The following KIF5B variants were observed in gnomAD, a reference collection of about 807,000 sequenced individuals.
The protein encoded by KIF5B is kinesin-1 heavy chain.
A neutral mutation model predicts 132.8 loss-of-function variants in KIF5B; 49 were observed. That is an observed-to-expected ratio of 0.37 (90% confidence interval 0.29 to 0.47). The LOEUF is 0.47. KIF5B is among the 20% of genes least tolerant of loss of function. The pLI, the probability that KIF5B is intolerant of heterozygous loss-of-function variation, is 1.00. For synonymous variants in KIF5B, 355 were observed against 369.4 expected, an observed-to-expected ratio of 0.96 and a Z score of 0.45; for missense variants, 780 against 1,144.0, an observed-to-expected ratio of 0.68 and a Z score of 4.59.
intron 17 of KIF5B, 44 bp downstream of exon 17, chr10:32,022,096 A>C: frequency 1.1e-6 from 1 of 941,194 alleles, no homozygotes; most frequent in Non-Finnish European, 1.7e-6. Flanking sequence ...AATTATACTA[A>C]AATAAGAACA....
intron 20 of KIF5B, among the ~76,000 whole-genome samples, chr10:32,019,496 A>T (rs1053335975): frequency 4.3e-4 from 66 of 152,340 alleles, no homozygotes; most frequent in Middle Eastern, 3.4e-3. Context: ...GCAAGAGAAA[A>T]TTTAACAAAA....
chr10:32,038,126 T>G, intron 6 of KIF5B, 37 bp downstream of exon 6: 1 of 1,265,682 alleles, frequency 7.9e-7, no homozygotes, highest in Non-Finnish European at 1.1e-6. Context: ...AAAAAAAAAG[T>G]ATTACAGGGT....
At chr10:32,048,347 T>C (rs1841642116) in intron 2 of KIF5B, 117 bp downstream of exon 2, 2 of 642,482 alleles carry the variant, frequency 3.1e-6, no homozygotes, top group Middle Eastern at 2.8e-4. Context: ...AACTTTCTTC[T>C]GCAATTAACT....
rs1008015861 is a variant in KIF5B at position 32,011,161 on chromosome 10, G to C, written c.*376C>G. ...CAGTAGCAGCTAGGTAATTTAAACT[G>C]AGATTAAAAAATAAACATACACAAA... On this transcript the variant is annotated 3_prime_UTR_variant, in exon 26 of 26. Transcript: ENST00000302418. The C allele has an allele frequency of 4.6e-5, 7 of 152,410 alleles. No homozygotes were observed. Among genetic ancestry groups the C allele is most frequent in the Non-Finnish European group, 2.9e-5 (2 of 68,006 alleles). 9.4% of individuals were successfully genotyped at this position (152,410 alleles called of 1,614,324 possible).
intron 1 of KIF5B, among the ~76,000 whole-genome samples, chr10:32,055,283 A>C (rs988086340): frequency 1.3e-5 from 2 of 152,018 alleles, no homozygotes; most frequent in African/African-American, 4.8e-5. Flanking sequence ...GTGGTGGGTG[A>C]AAGTTGGAGG....
Position 32,017,254 on chromosome 10 carries a change from C to T in KIF5B, c.2650G>A (p.Ala884Thr), listed in dbSNP as rs764985083. 69 of 1,614,080 alleles carry T rather than the reference C, an allele frequency of 4.3e-5. No homozygotes were observed. The highest frequency in any genetic ancestry group is 5.3e-5 in the Non-Finnish European group (62 of 1,180,042). ...VKALESALKE[A>T]KENASRDRKR... ...CGATCACGAGATGCATTTTCTTTAG[C>T]TTCTTTCAGTGCTGATTCCAAAGCT... is the stretch of plus-strand genomic sequence containing the variant. The change falls in exon 24 of 26, where the codon GCT becomes ACT. Residue 884 changes from alanine (A) to threonine (T), a missense_variant. Ala to Thr is a moderately conservative substitution (Grantham distance 58). This residue lies in a region of KIF5B where 32 missense variants were observed against 71.1 expected (regional missense o/e 0.45). Coordinates refer to ENST00000302418, the MANE Select transcript of KIF5B (RefSeq NM_004521.3).
At chr10:32,014,702 T>C (rs557878889) in intron 25 of KIF5B, among the ~76,000 whole-genome samples, 1 of 152,140 alleles carries the variant, frequency 6.6e-6, no homozygotes, top group Non-Finnish European at 1.5e-5. Context: ...CATAAGCAAT[T>C]TGGTGCAGTC....
At chr10:32,013,577 G>C (rs915260557) in intron 25 of KIF5B, among the ~76,000 whole-genome samples, 1 of 152,118 alleles carries the variant, frequency 6.6e-6, no homozygotes, top group Non-Finnish European at 1.5e-5. Context: ...CTCTGGTTTA[G>C]ACAAACCAGC....
intron 14 of KIF5B, among the ~76,000 whole-genome samples, chr10:32,029,662 G>C (rs1360990136): frequency 6.6e-6 from 1 of 152,158 alleles, no homozygotes; most frequent in Non-Finnish European, 1.5e-5. Context: ...CATATAAACA[G>C]ATGCTAAACA....
At chr10:32,016,522 G>C (rs2132578161) in intron 24 of KIF5B, among the ~76,000 whole-genome samples, 1 of 148,352 alleles carries the variant, frequency 6.7e-6, no homozygotes, top group African/African-American at 2.6e-5. Flanking sequence ...ACCAATTTTT[G>C]TTTGTTTGTT....
intron 16 of KIF5B, 78 bp from the exon 17 acceptor site, chr10:32,022,335 TTATC>T (rs1463657579): frequency 1.8e-5 from 13 of 719,446 alleles, no homozygotes; most frequent in Non-Finnish European, 3.1e-5. Flanking sequence ...AAACATTTCA[TTATC>T]TATATATGAT....
rs537700396 is a variant in KIF5B, at chr10:32,021,823, T to G, written c.2032+317A>C. On this transcript the variant is annotated intron_variant, in intron 17 of 25. Coordinates refer to ENST00000302418, the MANE Select transcript of KIF5B (RefSeq NM_004521.3). ...CTGTCTCTACAAAAAAGGTAAAAAA[T>G]TAGCCAGGCGTGGGGGCATGTGCCT... 1.3e-4 allele frequency among the ~76,000 whole-genome samples: 19 copies of G among 151,962 alleles called. 1 individual carries two copies. The South Asian group carries it at 3.9e-3, about 32-fold the overall frequency.
intron 2 of KIF5B, among the ~76,000 whole-genome samples, chr10:32,041,801 A>C (rs1841542885): frequency 6.6e-6 from 1 of 152,110 alleles, no homozygotes; most frequent in African/African-American, 2.4e-5. Flanking sequence ...TCTAAAAAAA[A>C]TTTTGTAGAG....
chr10:32,053,726 T>C (rs562256809), intron 1 of KIF5B, among the ~76,000 whole-genome samples: 1 of 131,748 alleles, frequency 7.6e-6, no homozygotes, highest in South Asian at 2.4e-4. Flanking sequence ...CTCAAAAATA[T>C]CTCAAAAAAA....
intron 1 of KIF5B, among the ~76,000 whole-genome samples, chr10:32,053,122 C>T (rs1172542601): frequency 6.6e-6 from 1 of 152,086 alleles, no homozygotes; most frequent in Admixed American, 6.5e-5. Flanking sequence ...TGCTGCATTG[C>T]AGCAATTCTC....
intron 20 of KIF5B, among the ~76,000 whole-genome samples, chr10:32,019,635 C>G (rs1841231097): frequency 6.6e-6 from 1 of 152,118 alleles, no homozygotes; most frequent in South Asian, 2.1e-4. Context: ...AAAGAGAAAC[C>G]TTAATCTTAA....
chr10:32,025,627 C>T (rs931461988), intron 15 of KIF5B, among the ~76,000 whole-genome samples: 3 of 142,492 alleles, frequency 2.1e-5, no homozygotes, highest in South Asian at 2.2e-4. Context: ...CTGCCCGCCT[C>T]GGCCTCCCGA....
At chr10:32,051,775 T>C (rs1841698304) in intron 1 of KIF5B, among the ~76,000 whole-genome samples, 1 of 152,244 alleles carries the variant, frequency 6.6e-6, no homozygotes, top group African/African-American at 2.4e-5. Flanking sequence ...GACTCTGGCT[T>C]CCTGGAATGA....
rs35673564 is a variant in KIF5B, at chr10:32,041,145, CAA to C, written c.215-690_215-689del. ...TGGGTGACACAGTGAGACTCTGTCTCAAAAAAAAAAAAAAAAAACCAAAATTA... is the reference window on the plus strand; with the variant it reads ...TGGGTGACACAGTGAGACTCTGTCTCAAAAAAAAAAAAAAAACCAAAATTA... On this transcript the variant is annotated intron_variant, in intron 2 of 25. Coordinates refer to ENST00000302418, the MANE Select transcript of KIF5B (RefSeq NM_004521.3). 1.3e-3 allele frequency among the ~76,000 whole-genome samples: 136 copies of C among 101,728 alleles called. No homozygotes were observed. In the Middle Eastern group the frequency reaches 0.016, roughly 12 times the overall value. 66.7% of individuals were successfully genotyped at this position (101,728 alleles called of 152,430 possible).
Sources: allele counts gnomAD v4.1 joint callset (sites outside exome capture counted in the v4.1 genomes callset), GRCh38; gene constraint gnomAD v4.1.1; regional missense constraint gnomAD v4.1.1; transcripts MANE v1.5; gene names NCBI Gene and HGNC (gene_info 2026-07-23, HGNC 2026-07-21).